The following PPP2R3A variants were observed in gnomAD, a reference collection of about 807,000 sequenced individuals.
PPP2R3A encodes the protein protein phosphatase 2 regulatory subunit B''alpha, also known as serine/threonine-protein phosphatase 2A regulatory subunit B'' subunit alpha.
A neutral mutation model predicts 106.9 loss-of-function variants in PPP2R3A; 80 were observed. That is an observed-to-expected ratio of 0.75 (90% CI 0.62 to 0.90). The LOEUF (loss-of-function observed/expected upper bound fraction) is 0.90, where lower values mean the gene tolerates loss of function less well. Among genes scored for constraint, PPP2R3A ranks in the 40% least tolerant of loss-of-function variants. The pLI is 0.00. For missense variants in PPP2R3A, 1,386 were observed against 1,350.4 expected (o/e 1.03, Z -0.41); for synonymous variants, 483 against 468.3 (o/e 1.03, Z -0.41).
At position 136,002,464 on chromosome 3, in the gene PPP2R3A, C is replaced by G. The variant is rs779646258; in HGVS notation, c.966C>G (p.Phe322Leu). ...TGCCTAGCTTACAACTGACTCCCTT[C>G]TCCCCAGTGTTTGGCACTGAACAAC... The part of the protein sequence containing the change: ...SNMPSLQLTP[F>L]SPVFGTEQPP... Residue 322 changes from phenylalanine (F) to leucine (L), a missense_variant, in exon 2 of 14, where the codon TTC becomes TTG. Transcript: ENST00000264977. The G allele has an allele frequency of 4.3e-6, 7 of 1,613,950 alleles. No individual in the cohort carries two copies. Among genetic ancestry groups the G allele is most frequent in the Non-Finnish European group, 5.9e-6 (7 of 1,179,928 alleles).
At chr3:136,020,035 A>G (rs1934411157) in intron 2 of PPP2R3A, among the ~76,000 whole-genome samples, 1 of 152,126 alleles carries the variant, frequency 6.6e-6, no homozygotes, top group South Asian at 2.1e-4. Context: ...CATCTTTATC[A>G]TCTCTCTAGC....
chr3:136,107,149 G>A (rs1434028982), intron 13 of PPP2R3A, among the ~76,000 whole-genome samples: 2 of 151,882 alleles, frequency 1.3e-5, no homozygotes, highest in Non-Finnish European at 1.5e-5. Context: ...ATAATTTGCT[G>A]GTTTTTTCCA....
chr3:136,086,385 G>T (rs1390427939), intron 8 of PPP2R3A, among the ~76,000 whole-genome samples: 1 of 151,980 alleles, frequency 6.6e-6, no homozygotes, highest in Admixed American at 6.5e-5. Context: ...GGGAGGCTGA[G>T]GCAGGAGAAC....
At chr3:136,139,133 G>A (rs1181375958) in intron 13 of PPP2R3A, among the ~76,000 whole-genome samples, 2 of 152,020 alleles carry the variant, frequency 1.3e-5, no homozygotes, top group Non-Finnish European at 2.9e-5. Flanking sequence ...CCTGGAAACT[G>A]GAATCAAAAC....
chr3:135,996,511 C>A (rs985706785), intron 1 of PPP2R3A, among the ~76,000 whole-genome samples: 1 of 152,194 alleles, frequency 6.6e-6, no homozygotes, highest in Non-Finnish European at 1.5e-5. Context: ...GTTGGTTAAT[C>A]TAACAGAGTT....
chr3:135,967,346 C>T (rs1447014321), intron 1 of PPP2R3A, among the ~76,000 whole-genome samples: 1 of 152,118 alleles, frequency 6.6e-6, no homozygotes, highest in African/African-American at 2.4e-5. Context: ...GCACTGACAA[C>T]CTGAACATTG....
intron 1 of PPP2R3A, among the ~76,000 whole-genome samples, chr3:135,989,124 A>G (rs1279757356): frequency 1.3e-5 from 2 of 152,194 alleles, no homozygotes; most frequent in African/African-American, 4.8e-5. Flanking sequence ...TCCAGTATCT[A>G]AAACAGATAA....
chr3:135,970,304 C>G (rs1395709540), intron 1 of PPP2R3A, among the ~76,000 whole-genome samples: 1 of 152,122 alleles, frequency 6.6e-6, no homozygotes, highest in Admixed American at 6.5e-5. Flanking sequence ...TTAAAGTGTG[C>G]AAACTTAACT....
chr3:136,059,303 A>T (rs550296933), intron 5 of PPP2R3A, among the ~76,000 whole-genome samples: 69 of 152,134 alleles, frequency 4.5e-4, no homozygotes, highest in African/African-American at 1.4e-3. Context: ...AAAAAAACAT[A>T]AAAAAGTGAG....
intron 10 of PPP2R3A, among the ~76,000 whole-genome samples, chr3:136,099,989 A>G (rs1937318381): frequency 6.6e-6 from 1 of 151,884 alleles, no homozygotes; most frequent in African/African-American, 2.4e-5. Context: ...GGACTGAAGG[A>G]TTCAGTTTCC....
rs997025490 is a variant in PPP2R3A, at chr3:136,147,319, A to G, written c.*2153A>G. The G allele has an allele frequency of 3.3e-5, 5 of 152,644 alleles. No individual in the cohort carries two copies. The highest frequency in any genetic ancestry group is 1.2e-4 in the African/African-American group (5 of 41,456). 9.5% of individuals were successfully genotyped at this position (152,644 alleles called of 1,614,324 possible). On this transcript the variant is annotated 3_prime_UTR_variant, in exon 14 of 14. Coordinates refer to ENST00000264977, the MANE Select transcript of PPP2R3A (RefSeq NM_002718.5). Reference sequence around the variant, plus strand: ...TTCGAGGCTGCAGTGAGCTATGATTACGACACTGCACTCCAGCCTAGGCGA... The same window carrying G: ...TTCGAGGCTGCAGTGAGCTATGATTGCGACACTGCACTCCAGCCTAGGCGA...
intron 4 of PPP2R3A, among the ~76,000 whole-genome samples, chr3:136,044,570 C>CAAAAAAA (rs1247139572): frequency 1.4e-4 from 11 of 76,060 alleles, no homozygotes; most frequent in African/African-American, 5.4e-4. Context: ...GACCCTGTCT[C>CAAAAAAA]AAAAAAAAAA....
At chr3:136,035,746 G>T (rs1485645608) in intron 3 of PPP2R3A, among the ~76,000 whole-genome samples, 1 of 152,172 alleles carries the variant, frequency 6.6e-6, no homozygotes, top group Non-Finnish European at 1.5e-5. Flanking sequence ...TGTTCTTTGT[G>T]CTTCTTGTAT....
intron 13 of PPP2R3A, among the ~76,000 whole-genome samples, chr3:136,128,720 T>C (rs1938282258): frequency 6.6e-6 from 1 of 152,182 alleles, no homozygotes; most frequent in Non-Finnish European, 1.5e-5. Flanking sequence ...TATACATTCT[T>C]CTCAGCACCA....
intron 1 of PPP2R3A, among the ~76,000 whole-genome samples, chr3:135,995,909 C>T (rs1007744338): frequency 6.6e-6 from 1 of 152,190 alleles, no homozygotes; most frequent in Non-Finnish European, 1.5e-5. Flanking sequence ...TTTAGAGCCA[C>T]CGATGTTTAT....
intron 1 of PPP2R3A, among the ~76,000 whole-genome samples, chr3:135,966,326 A>C (rs1376258386): frequency 6.6e-6 from 1 of 151,996 alleles, no homozygotes; most frequent in Non-Finnish European, 1.5e-5. Context: ...CCCCTGCCCA[A>C]CCTCGGCCCG....
chr3:136,008,843 C>T (rs915444755), intron 2 of PPP2R3A, among the ~76,000 whole-genome samples: 1 of 152,076 alleles, frequency 6.6e-6, no homozygotes, highest in African/African-American at 2.4e-5. Flanking sequence ...GCCCACAGGC[C>T]TGTCCAACCC....
intron 5 of PPP2R3A, among the ~76,000 whole-genome samples, chr3:136,051,790 C>T (rs991455140): frequency 2.6e-5 from 4 of 152,222 alleles, no homozygotes; most frequent in Non-Finnish European, 5.9e-5. Context: ...GCCTGTCATG[C>T]TCCATCCCAG....
At chr3:136,029,956 A>G (rs768438556) in intron 3 of PPP2R3A, among the ~76,000 whole-genome samples, 1 of 152,222 alleles carries the variant, frequency 6.6e-6, no homozygotes, top group South Asian at 2.1e-4. Flanking sequence ...TCATGCCTAT[A>G]ATCCCAGGAC....
Sources: gnomAD v4.1 joint callset for allele counts (sites outside exome capture counted in the v4.1 genomes callset) on GRCh38, gnomAD v4.1.1 for gene constraint, MANE v1.5 for transcripts, NCBI Gene and HGNC (gene_info 2026-07-23, HGNC 2026-07-21) for gene names.